FBXL5: variants seen among roughly 807,000 people sequenced by gnomAD.
FBXL5 encodes the protein F-box and leucine rich repeat protein 5, also known as F-box/LRR-repeat protein 5.
A neutral mutation model predicts 78.3 loss-of-function variants in FBXL5; 26 were observed. The ratio of observed to expected loss-of-function variants is 0.33; its 90% confidence interval spans 0.24 to 0.46. The LOEUF (loss-of-function observed/expected upper bound fraction) is 0.46, where lower values mean the gene tolerates loss of function less well. Ranked by LOEUF, FBXL5 falls within the 20% of genes least tolerant of loss-of-function variation. The pLI is 1.00. For missense variants in FBXL5, 710 were observed against 829.2 expected, an observed-to-expected ratio of 0.86 and a Z score of 1.77; for synonymous variants, 295 against 282.5, an observed-to-expected ratio of 1.04 and a Z score of -0.45.
In FBXL5 at chr4:15,655,112, G is replaced by A. The variant is rs193239008; in HGVS notation, c.84+92C>T. ...TCGCGCGGCGACGGCACGGGGCTGC[G>A]GGCGCGGCGCAGGCCAGGCCGCCCC... On this transcript the variant is annotated intron_variant, in intron 1 of 10. Coordinates refer to ENST00000341285, the MANE Select transcript of FBXL5 (RefSeq NM_012161.4). The A allele has an allele frequency of 2.1e-3, 2,127 of 1,016,668 alleles. 31 individuals are homozygous for A. The African/African-American group carries it at 0.034, about 16-fold the overall frequency. The allele number at this position is 1,016,668 out of a possible 1,614,324, so 63.0% of individuals were successfully genotyped here.
intron 1 of FBXL5, among the ~76,000 whole-genome samples, chr4:15,653,046 A>C (rs1222268443): frequency 2.0e-5 from 3 of 152,174 alleles, no homozygotes; most frequent in Admixed American, 6.5e-5. Context: ...AGGACATCCT[A>C]AGAGAGATTT....
chr4:15,642,761 C>G (rs1715025169), intron 2 of FBXL5, among the ~76,000 whole-genome samples: 1 of 152,084 alleles, frequency 6.6e-6, no homozygotes, highest in Non-Finnish European at 1.5e-5. Context: ...CTCTTCTGAC[C>G]ATGAAATCCA....
At chr4:15,617,169 T>C (rs1711977121) in intron 9 of FBXL5, among the ~76,000 whole-genome samples, 3 of 152,228 alleles carry the variant, frequency 2.0e-5, no homozygotes, top group Admixed American at 2.0e-4. Context: ...TGCATGCCTA[T>C]TTTTATTTCA....
chr4:15,679,988 C>G (rs1327097881), intron 1 of FBXL5, among the ~76,000 whole-genome samples: 1 of 152,014 alleles, frequency 6.6e-6, no homozygotes, highest in African/African-American at 2.4e-5. Flanking sequence ...GAAACAACGC[C>G]AAGTGTCCAC....
chr4:15,659,205 T>A (rs10011868), upstream of FBXL5, among the ~76,000 whole-genome samples: 9,361 of 152,254 alleles, frequency 0.061, 499 homozygotes, highest in East Asian at 0.22. Flanking sequence ...TTATCTACAT[T>A]CCCTGAACAA....
At chr4:15,618,743 G>A (rs1041064413) in intron 9 of FBXL5, among the ~76,000 whole-genome samples, 8 of 152,272 alleles carry the variant, frequency 5.3e-5, no homozygotes, top group South Asian at 4.2e-4. Flanking sequence ...TTGGGAGGGT[G>A]AGACAGGAAA....
chr4:15,627,056 G>A, intron 7 of FBXL5, 101 bp from the exon 8 acceptor site: 30 of 464,750 alleles, frequency 6.5e-5, no homozygotes, highest in Middle Eastern at 3.7e-4. Context: ...AAACTTTTGT[G>A]AATATAAAAA....
At chr4:15,635,124 G>A (rs1714111550) in intron 5 of FBXL5, among the ~76,000 whole-genome samples, 1 of 152,078 alleles carries the variant, frequency 6.6e-6, no homozygotes, top group African/African-American at 2.4e-5. Context: ...CTGAGGTCAG[G>A]AGTTCAAGAC....
chr4:15,675,729 C>T (rs935904648), intron 1 of FBXL5, among the ~76,000 whole-genome samples: 6 of 151,904 alleles, frequency 3.9e-5, no homozygotes, highest in Non-Finnish European at 8.8e-5. Context: ...TTACTGGCAC[C>T]TGACACCACA....
intron 4 of FBXL5, among the ~76,000 whole-genome samples, chr4:15,637,877 A>G (rs867336735): frequency 3.3e-5 from 5 of 151,524 alleles, no homozygotes; most frequent in Non-Finnish European, 7.4e-5. Flanking sequence ...CTGAACATAA[A>G]TAATTACTGA....
At chr4:15,674,654 GTT>G (rs199900833) in intron 1 of FBXL5, among the ~76,000 whole-genome samples, 2 of 142,026 alleles carry the variant, frequency 1.4e-5, no homozygotes, top group Non-Finnish European at 3.1e-5. Context: ...GGATTTTTGG[GTT>G]TTTTTTTTTT....
intron 1 of FBXL5, among the ~76,000 whole-genome samples, chr4:15,672,306 A>G (rs1560253239): frequency 6.6e-6 from 1 of 152,238 alleles, no homozygotes; most frequent in Non-Finnish European, 1.5e-5. Context: ...GCCGTCTCTG[A>G]GCACGACACA....
chr4:15,636,379 A>G, intron 5 of FBXL5, 115 bp downstream of exon 5: 2 of 830,572 alleles, frequency 2.4e-6, no homozygotes, highest in Non-Finnish European at 3.4e-6. Flanking sequence ...TCTAACTATA[A>G]AATCTACTTT....
At chr4:15,618,971 T>C (rs544875918) in intron 9 of FBXL5, among the ~76,000 whole-genome samples, 1 of 151,166 alleles carries the variant, frequency 6.6e-6, no homozygotes, top group Admixed American at 6.6e-5. Flanking sequence ...CTAAGCAACA[T>C]GGTGAAACCC....
chr4:15,624,600 T>TAA (rs61627875), intron 9 of FBXL5, among the ~76,000 whole-genome samples: 9 of 130,346 alleles, frequency 6.9e-5, no homozygotes, highest in African/African-American at 2.0e-4. Context: ...TCTAGGAGGT[T>TAA]AAAAAAAAAA....
chr4:15,604,821 A>T lies in FBXL5; in HGVS notation c.*902T>A, dbSNP rs1165512777. On this transcript the variant is annotated 3_prime_UTR_variant, in exon 11 of 11. Transcript: ENST00000341285. ...GCAAAGTAGATATACTTACGGATTCAAATTTTGACTACTGAATAACTCATT... is the reference window on the plus strand; with the variant it reads ...GCAAAGTAGATATACTTACGGATTCTAATTTTGACTACTGAATAACTCATT... 1.3e-5 allele frequency: 2 copies of T among 152,346 alleles called. No homozygotes were observed. The highest frequency in any genetic ancestry group is 1.5e-5 in the Non-Finnish European group (1 of 68,028). 9.4% of individuals were successfully genotyped at this position (152,346 alleles called of 1,614,324 possible). A position where few individuals can be genotyped will look rare whatever the true frequency, so the allele number is the denominator to read the frequency against.
chr4:15,655,237 C>T lies in FBXL5; in HGVS notation c.51G>A (p.Arg17=), dbSNP rs1312152396. Residue 17 remains arginine, a synonymous_variant, in exon 1 of 11, where the codon CGG becomes CGA. Coordinates refer to ENST00000341285, the MANE Select transcript of FBXL5 (RefSeq NM_012161.4). ...EVDVFTAPHW[R]MKQLVGLYCD... ...AGTAGAGCCCCACCAGCTGCTTCATCCGCCAGTGTGGGGCGGTGAAGACGT... is the reference window on the plus strand; with the variant it reads ...AGTAGAGCCCCACCAGCTGCTTCATTCGCCAGTGTGGGGCGGTGAAGACGT... The T allele has an allele frequency of 8.3e-6, 12 of 1,441,452 alleles. No homozygotes were observed. The highest frequency in any genetic ancestry group is 1.3e-5 in the South Asian group (1 of 78,436). The allele number at this position is 1,441,452 out of a possible 1,614,324, so 89.3% of individuals were successfully genotyped here.
intron 6 of FBXL5, among the ~76,000 whole-genome samples, chr4:15,629,459 T>C (rs1435504857): frequency 1.3e-5 from 2 of 152,196 alleles, no homozygotes; most frequent in African/African-American, 4.8e-5. Context: ...TTTAAATTCT[T>C]CTTGGCATGT....
At chr4:15,613,065 T>C (rs887348984) in intron 9 of FBXL5, among the ~76,000 whole-genome samples, 1 of 152,116 alleles carries the variant, frequency 6.6e-6, no homozygotes, top group Non-Finnish European at 1.5e-5. Context: ...CTTGAACACA[T>C]AAACCTAATT....
Sources: allele counts gnomAD v4.1 joint callset (sites outside exome capture counted in the v4.1 genomes callset), GRCh38; gene constraint gnomAD v4.1.1; transcripts MANE v1.5; gene names NCBI Gene and HGNC (gene_info 2026-07-23, HGNC 2026-07-21).